DBR1: variants seen among roughly 807,000 people sequenced by gnomAD.
DBR1 encodes the protein lariat debranching enzyme.
In DBR1, 33 loss-of-function variants were observed where a neutral mutation model predicts 45.9. The ratio of observed to expected loss-of-function variants is 0.72; its 90% CI spans 0.55 to 0.96. The LOEUF (loss-of-function observed/expected upper bound fraction) is 0.96, where lower values mean the gene tolerates loss of function less well. Among genes scored for constraint, DBR1 ranks in the 40% least tolerant of loss-of-function variants. The pLI, the probability that DBR1 is intolerant of heterozygous loss-of-function variation, is 0.00. For missense variants in DBR1, 619 were observed against 667.4 expected (o/e 0.93, Z 0.80); for synonymous variants, 235 against 235.9 (o/e 1.00, Z 0.04).
chr3:138,170,316 C>G, intron 3 of DBR1, 124 bp from the exon 4 acceptor site: 1 of 609,986 alleles, frequency 1.6e-6, no homozygotes, highest in East Asian at 3.1e-5. Flanking sequence ...AAAAAGTTAT[C>G]TAGGGAAATT....
Position 138,174,705 on chromosome 3 carries a change from C to G in DBR1, c.91G>C (p.Val31Leu). ...ALAERRGPGP[V>L]DLLLCCGDFQ... ...TCGCCGCAGCACAGCAAGAGGTCGA[C>G]AGGCCCCGGGCCGCGCCGCTCTGCC... Residue 31 changes from valine (V) to leucine (L), a missense_variant, in exon 1 of 8, where the codon GTC becomes CTC. Val to Leu is a conservative substitution (Grantham distance 32). This residue lies in a region of DBR1 where 430 missense variants were observed against 447.7 expected (regional missense o/e 0.96). Coordinates refer to ENST00000260803, the MANE Select transcript of DBR1 (RefSeq NM_016216.4). The G allele has an allele frequency of 6.2e-7, 1 of 1,612,848 alleles. No individual in the cohort carries two copies. The highest frequency in any genetic ancestry group is 8.5e-7 in the Non-Finnish European group (1 of 1,179,636).
chr3:138,171,504 A>G, intron 3 of DBR1, 129 bp downstream of exon 3: 1 of 400,592 alleles, frequency 2.5e-6, no homozygotes, highest in Non-Finnish European at 4.5e-6. Flanking sequence ...AAAAAAAGCA[A>G]AATACTAAGA....
chr3:138,170,742 G>T (rs374870072), intron 3 of DBR1, among the ~76,000 whole-genome samples: 7 of 152,324 alleles, frequency 4.6e-5, no homozygotes, highest in African/African-American at 1.7e-4. Context: ...TGTAATTCAT[G>T]AAATTTGTGA....
chr3:138,171,341 G>A (rs913719316), intron 3 of DBR1: 35 of 202,214 alleles, frequency 1.7e-4, no homozygotes, highest in African/African-American at 7.3e-4. Context: ...CGGGCGTGGT[G>A]GTGGGCGCCT....
rs140304067 is a variant in DBR1, at chr3:138,163,400, T to A, written c.890A>T (p.Asn297Ile). The change falls in exon 7 of 8, where the codon AAT (asparagine) becomes ATT (isoleucine). Residue 297 changes from asparagine (N) to isoleucine (I), a missense_variant. By Grantham distance (149) the Asn-to-Ile change is moderately radical (BLOSUM62 -3). Coordinates refer to ENST00000260803, the MANE Select transcript of DBR1 (RefSeq NM_016216.4). ...TILRATDDLI[N>I]VTGRLWNMPE... ...CATATTCCACAGGCGCCCAGTCACA[T>A]TAATAAGATCATCCGTAGCCCTGAG... 222 of 1,613,912 alleles carry A rather than the reference T, an allele frequency of 1.4e-4. No individual in the cohort carries two copies. Among genetic ancestry groups the A allele is most frequent in the South Asian group, 8.9e-4 (81 of 91,072 alleles).
chr3:138,174,554 G>GT, intron 1 of DBR1, 45 bp downstream of exon 1: 2 of 1,461,736 alleles, frequency 1.4e-6, no homozygotes, highest in Non-Finnish European at 9.4e-7. Flanking sequence ...AGGGAACCCA[G>GT]TCCCACCCCC....
In DBR1 at chr3:138,167,203, G is replaced by A. The variant is rs777064450; in HGVS notation, c.592C>T (p.Gln198Ter). 1 of 1,613,652 alleles carries A rather than the reference G, an allele frequency of 6.2e-7. No individual in the cohort carries two copies. The highest frequency in any genetic ancestry group is 8.5e-7 in the Non-Finnish European group (1 of 1,179,786). ...CCTAATGTGTTATTTTCCACTTCTT[G>A]TCGGAAAAAAGATTTAGTCTTAAGA... ...QLLKTKSFFR[Q>*]EVENNTLGSP... is the part of the protein sequence containing the mutation. The change falls in exon 5 of 8, where the codon CAA becomes TAA. Residue 198 changes from glutamine to a stop codon, truncating the protein, a stop_gained. Coordinates refer to ENST00000260803, the MANE Select transcript of DBR1 (RefSeq NM_016216.4). LOFTEE classifies it high-confidence loss of function.
chr3:138,167,841 G>A (rs1386007143), intron 4 of DBR1, among the ~76,000 whole-genome samples: 2 of 152,084 alleles, frequency 1.3e-5, no homozygotes, highest in Non-Finnish European at 2.9e-5. Context: ...CAGCTACTAG[G>A]GAGACTGAGG....
chr3:138,163,706 A>G, intron 6 of DBR1, 72 bp downstream of exon 6: 3 of 1,186,074 alleles, frequency 2.5e-6, no homozygotes, highest in Non-Finnish European at 3.4e-6. Context: ...AAAAATTCCG[A>G]AAGGAAAATT....
intron 4 of DBR1, among the ~76,000 whole-genome samples, chr3:138,169,084 A>G (rs1409707646): frequency 2.0e-5 from 3 of 152,262 alleles, no homozygotes; most frequent in Admixed American, 6.5e-5. Flanking sequence ...TGCACAGGGC[A>G]TAAAAGAAAC....
chr3:138,161,940 C>T lies in DBR1; in HGVS notation c.1584G>A (p.Arg528=). 6.2e-7 allele frequency: 1 copy of T among 1,614,162 alleles called. No individual in the cohort carries two copies. Among genetic ancestry groups the T allele is most frequent in the South Asian group, 1.1e-5 (1 of 91,080 alleles). The change falls in exon 8 of 8, where the codon AGG becomes AGA. Residue 528 remains arginine, a synonymous_variant. Transcript: ENST00000260803. The part of the protein sequence containing the change: ...EPEQRKKIKR[R]NQAIYAAVDD... ...CCACTGCAGCGTAAATGGCTTGATT[C>T]CTCCTCTTAATTTTCTTTCTTTGTT...
At chr3:138,164,453 G>C (rs1416108552) in intron 5 of DBR1, among the ~76,000 whole-genome samples, 1 of 152,172 alleles carries the variant, frequency 6.6e-6, no homozygotes, top group African/African-American at 2.4e-5. Flanking sequence ...TTCAGGAAAG[G>C]CAAATCTATA....
In DBR1 at chr3:138,173,413, T is replaced by C. The variant is rs74893194; in HGVS notation, c.322+89A>G. The C allele has an allele frequency of 2.3e-3, 2,998 of 1,316,752 alleles. 97 individuals are homozygous for C. The East Asian group carries it at 0.059, about 26-fold the overall frequency. The allele number at this position is 1,316,752 out of a possible 1,614,324, so 81.6% of individuals were successfully genotyped here. A position where few individuals can be genotyped will look rare whatever the true frequency, so the allele number is the denominator to read the frequency against. On this transcript the variant is annotated intron_variant, in intron 2 of 7. Transcript: ENST00000260803. Reference sequence around the variant, plus strand: ...AATTAATGACATTCTCCAAACACCATACATGTCAAGACACAGTCCAACTAA... The same window carrying C: ...AATTAATGACATTCTCCAAACACCACACATGTCAAGACACAGTCCAACTAA...
intron 2 of DBR1, among the ~76,000 whole-genome samples, chr3:138,172,083 A>G (rs1247856881): frequency 6.6e-6 from 1 of 152,242 alleles, no homozygotes; most frequent in African/African-American, 2.4e-5. Flanking sequence ...GAAAATCAAC[A>G]GGTATAAGGT....
At chr3:138,173,394 T>C (rs771119094) in intron 2 of DBR1, 108 bp downstream of exon 2, 2 of 1,102,154 alleles carry the variant, frequency 1.8e-6, no homozygotes, top group Non-Finnish European at 2.6e-6. Context: ...TTTAAATTAA[T>C]GACATTCTCC....
intron 1 of DBR1, 44 bp downstream of exon 1, chr3:138,174,555 T>TCCCCCC: frequency 1.1e-5 from 16 of 1,437,552 alleles, no homozygotes; most frequent in Middle Eastern, 3.7e-4. Context: ...GGGAACCCAG[T>TCCCCCC]CCCACCCCCC....
intron 5 of DBR1, 99 bp from the exon 6 acceptor site, chr3:138,163,957 CCCCTAAG>C: frequency 4.0e-6 from 3 of 755,368 alleles, no homozygotes; most frequent in Non-Finnish European, 6.5e-6. Flanking sequence ...ATCACACATA[CCCCTAAG>C]TTGTGTGTCA....
intron 7 of DBR1, among the ~76,000 whole-genome samples, chr3:138,162,819 A>G (rs2107901529): frequency 6.6e-6 from 1 of 152,338 alleles, no homozygotes; most frequent in South Asian, 2.1e-4. Flanking sequence ...TATCTTCACC[A>G]TATCATGGTT....
intron 5 of DBR1, 38 bp downstream of exon 5, chr3:138,167,043 T>C (rs1326471831): frequency 8.3e-6 from 13 of 1,557,090 alleles, no homozygotes; most frequent in Non-Finnish European, 1.1e-5. Flanking sequence ...TGTTCAATAG[T>C]GTGTGTTAAA....
Sources: gnomAD v4.1 joint callset for allele counts (sites outside exome capture counted in the v4.1 genomes callset) on GRCh38, gnomAD v4.1.1 for gene constraint, gnomAD v4.1.1 regional missense constraint, MANE v1.5 for transcripts, NCBI Gene and HGNC (gene_info 2026-07-23, HGNC 2026-07-21) for gene names.